The following MEMO1 variants were observed in gnomAD, a reference collection of about 807,000 sequenced individuals.
MEMO1 encodes the protein mediator of cell motility 1.
A neutral mutation model predicts 45.2 loss-of-function variants in MEMO1; 6 were observed. The ratio of observed to expected loss-of-function variants is 0.13; its 90% confidence interval spans 0.07 to 0.26. The LOEUF (loss-of-function observed/expected upper bound fraction) is 0.26. MEMO1 is among the 10% of genes least tolerant of loss of function. MEMO1 has a pLI of 1.00. For missense variants in MEMO1, 184 were observed against 370.5 expected, an observed-to-expected ratio of 0.50 and a Z score of 4.13; for synonymous variants, 78 against 124.3, an observed-to-expected ratio of 0.63 and a Z score of 2.48.
intron 8 of MEMO1, among the ~76,000 whole-genome samples, chr2:31,877,452 C>G (rs1040340576): frequency 2.6e-5 from 4 of 152,160 alleles, no homozygotes; most frequent in African/African-American, 7.2e-5. Context: ...ATCCATAAGA[C>G]TACAGAATAT....
Position 31,962,927 on chromosome 2 carries a change from G to A in MEMO1, c.62-19544C>T, listed in dbSNP as rs551863253. Among the ~76,000 whole-genome samples the A allele has an allele frequency of 3.3e-5, 5 of 152,298 alleles. No homozygotes were observed. The East Asian group carries it at 9.6e-4, about 29-fold the overall frequency. ...AAAGCAGATTATCCTCCCTATGTGG[G>A]TAGGCCCCACCTCATCAGTTGAAGG... On this transcript the variant is annotated intron_variant, in intron 2 of 9. Coordinates refer to ENST00000404530, the MANE Select transcript of MEMO1 (RefSeq NM_001301833.4).
At chr2:31,871,152 T>C (rs1673659301) in intron 8 of MEMO1, among the ~76,000 whole-genome samples, 1 of 152,228 alleles carries the variant, frequency 6.6e-6, no homozygotes, top group Non-Finnish European at 1.5e-5. Flanking sequence ...TAATTATACA[T>C]ACACCAATTA....
At chr2:31,884,848 G>A (rs1334499725) in intron 7 of MEMO1, among the ~76,000 whole-genome samples, 1 of 151,782 alleles carries the variant, frequency 6.6e-6, no homozygotes, top group South Asian at 2.1e-4. Flanking sequence ...TGGGCAACAG[G>A]GACTGAAACA....
chr2:31,952,978 A>C (rs1666999723), intron 2 of MEMO1, among the ~76,000 whole-genome samples: 1 of 152,260 alleles, frequency 6.6e-6, no homozygotes, highest in African/African-American at 2.4e-5. Flanking sequence ...CTGTTTCCTT[A>C]AACATTAATA....
At chr2:31,995,081 G>A (rs894635714) in intron 2 of MEMO1, among the ~76,000 whole-genome samples, 4 of 151,948 alleles carry the variant, frequency 2.6e-5, no homozygotes, top group African/African-American at 9.7e-5. Flanking sequence ...CCCAGACCCA[G>A]AAATTATAGA....
At chr2:31,955,208 A>AAAAC (rs1282639572) in intron 2 of MEMO1, among the ~76,000 whole-genome samples, 2 of 152,160 alleles carry the variant, frequency 1.3e-5, no homozygotes, top group Admixed American at 1.3e-4. Flanking sequence ...AAAAAAACAA[A>AAAAC]AAACAAACAA....
chr2:31,951,317 T>C (rs1572786030), intron 2 of MEMO1, among the ~76,000 whole-genome samples: 1 of 152,174 alleles, frequency 6.6e-6, no homozygotes, highest in African/African-American at 2.4e-5. Context: ...AATGAAAAAG[T>C]GTGGGAAAAC....
At chr2:31,983,409 C>A (rs1002151717) in intron 2 of MEMO1, among the ~76,000 whole-genome samples, 3 of 152,148 alleles carry the variant, frequency 2.0e-5, no homozygotes, top group African/African-American at 7.2e-5. Context: ...GCCATTAACA[C>A]ATTCAATGCC....
intron 6 of MEMO1, among the ~76,000 whole-genome samples, chr2:31,909,935 T>A (rs1680308496): frequency 6.6e-6 from 1 of 151,992 alleles, no homozygotes; most frequent in African/African-American, 2.4e-5. Flanking sequence ...TTAGGTATAT[T>A]ATATTAAAAC....
At position 31,932,161 on chromosome 2, in the gene MEMO1, T is replaced by TA. The variant is rs779001021; in HGVS notation, c.144-27dup. On this transcript the variant is annotated intron_variant, in intron 3 of 9. Coordinates refer to ENST00000404530, the MANE Select transcript of MEMO1 (RefSeq NM_001301833.4). ...CTACAAAACAAAATATTTTTAAACT[T>TA]AATCATCAGATTCAAAATCAAGATA... 383 of 1,592,774 alleles carry TA rather than the reference T, an allele frequency of 2.4e-4. 1 individual carries two copies. The African/African-American group carries it at 4.3e-3, about 18-fold the overall frequency.
chr2:31,930,172 A>G (rs1456125177), intron 4 of MEMO1, among the ~76,000 whole-genome samples: 1 of 152,210 alleles, frequency 6.6e-6, no homozygotes, highest in Non-Finnish European at 1.5e-5. Flanking sequence ...ATGAGGCAGG[A>G]GAACTGACTG....
At position 31,951,151 on chromosome 2, in the gene MEMO1, TA is replaced by T. The variant is rs1377552600; in HGVS notation, c.62-7769del. ...ACACCTTCTGTAATTGGTATTTAAC[TA>T]GTATGTTGACTGAAACATCAAAGGG... On this transcript the variant is annotated intron_variant, in intron 2 of 9. Coordinates refer to ENST00000404530, the MANE Select transcript of MEMO1 (RefSeq NM_001301833.4). Among the ~76,000 whole-genome samples the T allele has an allele frequency of 5.8e-4, 89 of 152,322 alleles. 1 individual carries two copies. Among genetic ancestry groups the T allele is most frequent in the Non-Finnish European group, 1.8e-4 (12 of 68,016 alleles).
Position 31,943,283 on chromosome 2 carries a change from A to C in MEMO1, c.143+19T>G. The stretch of plus-strand genomic sequence containing the variant: ...CCTTCTCAAAAAACAAAACAAAAAC[A>C]AAAACAAAAAAGACTTACGGGGCAA... On this transcript the variant is annotated intron_variant, in intron 3 of 9. Coordinates refer to ENST00000404530, the MANE Select transcript of MEMO1 (RefSeq NM_001301833.4). 1.2e-6 allele frequency: 2 copies of C among 1,602,114 alleles called. No homozygotes were observed. The highest frequency in any genetic ancestry group is 2.2e-5 in the South Asian group (2 of 90,876).
intron 6 of MEMO1, among the ~76,000 whole-genome samples, chr2:31,910,414 T>A (rs1680381100): frequency 6.6e-6 from 1 of 152,176 alleles, no homozygotes; most frequent in South Asian, 2.1e-4. Context: ...TAACAAATAA[T>A]TTGTTCAAAT....
At chr2:31,914,962 A>G (rs1429171216) in intron 6 of MEMO1, among the ~76,000 whole-genome samples, 1 of 44,100 alleles carries the variant, frequency 2.3e-5, no homozygotes, top group Non-Finnish European at 4.5e-5. Context: ...GTCTCTTTTT[A>G]AAAAAAAAAA....
chr2:31,903,313 G>C (rs753928895), intron 6 of MEMO1, among the ~76,000 whole-genome samples: 1 of 149,640 alleles, frequency 6.7e-6, no homozygotes, highest in East Asian at 2.0e-4. Context: ...CAGTCAGAAG[G>C]GACAGGATCC....
At chr2:31,947,076 T>G (rs1666283805) in intron 2 of MEMO1, among the ~76,000 whole-genome samples, 1 of 152,146 alleles carries the variant, frequency 6.6e-6, no homozygotes, top group Non-Finnish European at 1.5e-5. Context: ...CGAAATGGCC[T>G]AACCACCATT....
chr2:31,883,298 T>C (rs1675687812), intron 8 of MEMO1, 88 bp downstream of exon 8: 1 of 921,716 alleles, frequency 1.1e-6, no homozygotes, highest in Non-Finnish European at 1.6e-6. Flanking sequence ...AAAAAATATA[T>C]TATTTCAACA....
intron 7 of MEMO1, among the ~76,000 whole-genome samples, chr2:31,884,454 C>T (rs559205794): frequency 1.7e-4 from 26 of 152,128 alleles, no homozygotes; most frequent in Non-Finnish European, 2.5e-4. Context: ...GCTTCACGTT[C>T]AGAGCAATGT....
Sources: gnomAD v4.1 joint callset for allele counts (sites outside exome capture counted in the v4.1 genomes callset) on GRCh38, gnomAD v4.1.1 for gene constraint, MANE v1.5 for transcripts, NCBI Gene and HGNC (gene_info 2026-07-23, HGNC 2026-07-21) for gene names.